MYH14: variants seen among roughly 807,000 people sequenced by gnomAD.
MYH14 encodes the protein myosin heavy chain 14.
Under a neutral mutation model 255.5 loss-of-function variants are expected in MYH14, and 123 were observed. The ratio of observed to expected loss-of-function variants is 0.48; its 90% CI spans 0.42 to 0.56. MYH14 has a LOEUF of 0.56. Ranked by LOEUF, MYH14 falls within the 20% of genes least tolerant of loss-of-function variation. The probability of loss-of-function intolerance (pLI) is 0.00; values close to 1 mark genes in which losing one functional copy is unlikely to be tolerated. For synonymous variants in MYH14, 1,095 were observed against 1,161.2 expected (o/e 0.94, Z 1.16); for missense variants, 2,423 against 2,802.3 (o/e 0.86, Z 3.06).
At chr19:50,253,090 A>G (rs906724241) in intron 16 of MYH14, among the ~76,000 whole-genome samples, 3 of 152,200 alleles carry the variant, frequency 2.0e-5, no homozygotes, top group Admixed American at 6.5e-5. Context: ...AAAAAGTATG[A>G]ATATCGAACA....
At position 50,278,102 on chromosome 19, in the gene MYH14, A is replaced by G; in HGVS notation, c.3845A>G (p.Lys1282Arg). The change falls in exon 30 of 43, where the codon AAG (lysine) becomes AGG (arginine). Residue 1282 changes from lysine (K) to arginine (R), a missense_variant. Around this residue, in one of 3 missense-constraint regions of MYH14, gnomAD observed 1,513 missense variants for 1,674.8 expected, o/e 0.90. Coordinates refer to ENST00000642316, the MANE Select transcript of MYH14 (RefSeq NM_001145809.2). ...QARRGKGAWE[K>R]TRLALEAEVS... is the part of the protein sequence containing the mutation. ...CACCAGGGCAAAGGTGCATGGGAGA[A>G]GACCCGGCTGGCCCTGGAGGCCGAG... 6.3e-7 allele frequency: 1 copy of G among 1,590,852 alleles called. No homozygotes were observed. Among genetic ancestry groups the G allele is most frequent in the Non-Finnish European group, 8.6e-7 (1 of 1,163,750 alleles).
At chr19:50,308,951 A>T in intron 41 of MYH14, 54 bp from the exon 42 acceptor site, 1 of 1,507,202 alleles carries the variant, frequency 6.6e-7, no homozygotes, top group Non-Finnish European at 9.0e-7. Context: ...TTGGAGAGGG[A>T]GGGAGTGATG....
At chr19:50,211,020 A>G (rs755621917) in intron 2 of MYH14, among the ~76,000 whole-genome samples, 30 of 152,362 alleles carry the variant, frequency 2.0e-4, no homozygotes, top group South Asian at 6.2e-4. Flanking sequence ...TAAAGTATAA[A>G]ACGTTCCAAT....
At chr19:50,255,343 G>A (rs773860336) in intron 17 of MYH14, 25 bp downstream of exon 17, 37 of 1,528,650 alleles carry the variant, frequency 2.4e-5, no homozygotes, top group South Asian at 2.3e-4. Flanking sequence ...GCATCGATGG[G>A]TGAGGCTTGC....
At chr19:50,257,552 T>C in intron 18 of MYH14, 66 bp downstream of exon 18, 1 of 1,480,418 alleles carries the variant, frequency 6.8e-7, no homozygotes, top group Admixed American at 2.0e-5. Context: ...GCCTCTGGAC[T>C]TGGCTGGAGC....
At chr19:50,211,455 C>T (rs1413355162) in intron 2 of MYH14, among the ~76,000 whole-genome samples, 2 of 152,198 alleles carry the variant, frequency 1.3e-5, no homozygotes, top group African/African-American at 4.8e-5. Context: ...ACCTAAGAGG[C>T]AAATGAGGCC....
In MYH14 at chr19:50,276,331, T is replaced by G; in HGVS notation, c.3680+128T>G. The G allele has an allele frequency of 1.2e-6, 1 of 807,950 alleles. No individual in the cohort carries two copies. Among genetic ancestry groups the G allele is most frequent in the East Asian group, 2.7e-5 (1 of 37,118 alleles). The allele number at this position is 807,950 out of a possible 1,614,324, so 50.0% of individuals were successfully genotyped here. A position where few individuals can be genotyped will look rare whatever the true frequency, so the allele number is the denominator to read the frequency against. ...ACAGTTGTTCATGAACCACCGGCTC[T>G]AGGTCCGGCCTGGGTCAAGCTGGGG... On this transcript the variant is annotated intron_variant, in intron 28 of 42. Coordinates refer to ENST00000642316, the MANE Select transcript of MYH14 (RefSeq NM_001145809.2). The surrounding 1 kb of genome is among the most constrained non-coding windows in gnomAD (Gnocchi z 4.3).
intron 3 of MYH14, among the ~76,000 whole-genome samples, chr19:50,218,553 G>A (rs1008200762): frequency 1.3e-4 from 19 of 151,916 alleles, no homozygotes; most frequent in Admixed American, 1.0e-3. Context: ...AGCCGAGATC[G>A]CGCCACTGCA....
chr19:50,247,008 A>G lies in MYH14; in HGVS notation c.1215A>G (p.Ala405=). Residue 405 remains alanine, a synonymous_variant, in exon 12 of 43, where the codon GCA becomes GCG. Coordinates refer to ENST00000642316, the MANE Select transcript of MYH14 (RefSeq NM_001145809.2). ...DQATMPDNTA[A]QKLCRLLGLG... is the part of the protein sequence containing the mutation. ...CTTGGTGCCTCTCGCCCTCAGCTGCACAGAAGCTCTGCCGCCTCTTGGGAC... is the reference window on the plus strand; with the variant it reads ...CTTGGTGCCTCTCGCCCTCAGCTGCGCAGAAGCTCTGCCGCCTCTTGGGAC... The G allele has an allele frequency of 6.2e-7, 1 of 1,610,016 alleles. No individual in the cohort carries two copies. Among genetic ancestry groups the G allele is most frequent in the African/African-American group, 1.3e-5 (1 of 74,802 alleles).
chr19:50,209,746 TGCACTCCAGCCTGG>T (rs1350772011), intron 1 of MYH14, among the ~76,000 whole-genome samples: 1 of 142,970 alleles, frequency 7.0e-6, no homozygotes, highest in Non-Finnish European at 1.5e-5. Flanking sequence ...ATCGTGCCAC[TGCACTCCAGCCTGG>T]GCGACACAGT....
chr19:50,208,326 A>G (rs1462322023), intron 1 of MYH14, among the ~76,000 whole-genome samples: 2 of 152,138 alleles, frequency 1.3e-5, no homozygotes, highest in African/African-American at 4.8e-5. Flanking sequence ...GAGGCAGGAG[A>G]ATCTCTTGAA....
chr19:50,228,497 G>A (rs886240848), intron 8 of MYH14, among the ~76,000 whole-genome samples: 5 of 152,090 alleles, frequency 3.3e-5, no homozygotes, highest in East Asian at 1.9e-4. Flanking sequence ...CAGCCGGCCC[G>A]TTGGTTCTGC....
chr19:50,230,469 C>A lies in MYH14; in HGVS notation c.875-56C>A. The A allele has an allele frequency of 6.8e-7, 1 of 1,478,198 alleles. No homozygotes were observed. Among genetic ancestry groups the A allele is most frequent in the Non-Finnish European group, 9.2e-7 (1 of 1,081,880 alleles). The allele number at this position is 1,478,198 out of a possible 1,614,324, so 91.6% of individuals were successfully genotyped here. A position where few individuals can be genotyped will look rare whatever the true frequency, so the allele number is the denominator to read the frequency against. On this transcript the variant is annotated intron_variant, in intron 8 of 42. Coordinates refer to ENST00000642316, the MANE Select transcript of MYH14 (RefSeq NM_001145809.2). The surrounding 1 kb of genome is among the most constrained non-coding windows in gnomAD (Gnocchi z 4.7). ...TGGGCAGGGCAGGCTCCTGTAGTGG[C>A]CTGGCAGCGTCGGGGCCGTCCCTTC...
chr19:50,290,664 T>C (rs1392946174), intron 35 of MYH14, among the ~76,000 whole-genome samples: 2 of 152,016 alleles, frequency 1.3e-5, no homozygotes, highest in Non-Finnish European at 2.9e-5. Flanking sequence ...TGGAATGGGC[T>C]GGAGGGGAGA....
At chr19:50,294,679 T>C (rs2036202784) in intron 39 of MYH14, among the ~76,000 whole-genome samples, 1 of 151,184 alleles carries the variant, frequency 6.6e-6, no homozygotes, top group African/African-American at 2.4e-5. Flanking sequence ...CAGTGAGCTA[T>C]GATTGTGTCA....
chr19:50,223,414 T>C (rs201347094), intron 5 of MYH14, 65 bp downstream of exon 5: 2 of 1,137,706 alleles, frequency 1.8e-6, no homozygotes, highest in South Asian at 2.6e-5. Flanking sequence ...CATCTTGGGC[T>C]TTCCCCACAA....
intron 8 of MYH14, among the ~76,000 whole-genome samples, chr19:50,229,043 A>G (rs2033249233): frequency 6.6e-6 from 1 of 152,072 alleles, no homozygotes; most frequent in African/African-American, 2.4e-5. Context: ...TCCTCTCTGC[A>G]ACCCTGCGAG....
At chr19:50,211,472 G>A (rs572113446) in intron 2 of MYH14, among the ~76,000 whole-genome samples, 1 of 152,186 alleles carries the variant, frequency 6.6e-6, no homozygotes, top group Non-Finnish European at 1.5e-5. Flanking sequence ...GGCCCAGAGA[G>A]AGTTAATAAC....
intron 1 of MYH14, chr19:50,205,315 C>A: frequency 6.5e-6 from 1 of 154,330 alleles, no homozygotes; most frequent in South Asian, 1.8e-4. Flanking sequence ...CCGCCGCCGC[C>A]GCCGCCCACC....
Sources: gnomAD v4.1 joint callset for allele counts (sites outside exome capture counted in the v4.1 genomes callset) on GRCh38, gnomAD v4.1.1 for gene constraint, gnomAD v4.1.1 regional missense constraint, Gnocchi (gnomAD v3.1) non-coding constraint, MANE v1.5 for transcripts, NCBI Gene and HGNC (gene_info 2026-07-23, HGNC 2026-07-21) for gene names.